The following TMCO5A variants were observed in gnomAD, a reference collection of about 807,000 sequenced individuals.
The protein encoded by TMCO5A is transmembrane and coiled-coil domain-containing protein 5A.
In TMCO5A, 34 loss-of-function variants were observed where a neutral mutation model predicts 42.3. That is an observed-to-expected ratio of 0.80 (90% CI 0.61 to 1.07). The LOEUF is 1.07. TMCO5A is among the 50% of genes least tolerant of loss of function. The pLI, the probability that TMCO5A is intolerant of heterozygous loss-of-function variation, is 0.00. For synonymous variants in TMCO5A, 131 were observed against 115.6 expected (o/e 1.13, Z -0.86); for missense variants, 357 against 327.9 (o/e 1.09, Z -0.69).
the TMCO5A span, among the ~76,000 whole-genome samples, chr15:38,013,652 G>A: frequency 6.6e-6 from 1 of 152,118 alleles, no homozygotes; most frequent in Non-Finnish European, 1.5e-5. Context: ...GGAACATTTT[G>A]AGTTTGATAG....
chr15:38,016,078 G>A, the TMCO5A span, among the ~76,000 whole-genome samples: 2 of 152,086 alleles, frequency 1.3e-5, no homozygotes, highest in Non-Finnish European at 2.9e-5. Flanking sequence ...ATACTGGGAC[G>A]TCAATGTAGG....
chr15:37,951,375 G>A lies in TMCO5A; in HGVS notation c.*141G>A, dbSNP rs776491209. ...CTGCTTGACTACCTTCTGTCACCAC[G>A]TCATCTTTCCAGGATTAACCTTGAC... On this transcript the variant is annotated 3_prime_UTR_variant, in exon 12 of 12. Coordinates refer to ENST00000319669, the MANE Select transcript of TMCO5A (RefSeq NM_152453.4). 1.4e-4 allele frequency: 103 copies of A among 723,030 alleles called. 1 individual carries two copies. The highest frequency in any genetic ancestry group is 1.9e-4 in the Non-Finnish European group (83 of 440,380). 44.8% of individuals were successfully genotyped at this position (723,030 alleles called of 1,614,324 possible).
intron 4 of TMCO5A, 22 bp downstream of exon 4, chr15:37,936,992 G>A (rs370901356): frequency 2.5e-6 from 4 of 1,611,004 alleles, no homozygotes; most frequent in Middle Eastern, 1.7e-4. Context: ...GTTGGGAAGA[G>A]CCATTTAATA....
chr15:37,941,657 T>G lies in TMCO5A; in HGVS notation c.445-14T>G, dbSNP rs1314468801. 8 of 1,593,084 alleles carry G rather than the reference T, an allele frequency of 5.0e-6. No homozygotes were observed. Among genetic ancestry groups the G allele is most frequent in the Non-Finnish European group, 6.9e-6 (8 of 1,161,586 alleles). On this transcript the variant is annotated splice_polypyrimidine_tract_variant and intron_variant, in intron 7 of 11. Transcript: ENST00000319669. ...TTACCGAAATATATTTACAACTAAA[T>G]TTTGATTTCCTAGGTAATGAAGGAG...
At chr15:37,988,860 T>C in the TMCO5A span, among the ~76,000 whole-genome samples, 1 of 152,068 alleles carries the variant, frequency 6.6e-6, no homozygotes, top group African/African-American at 2.4e-5. Flanking sequence ...GCTGGCCTCA[T>C]AGAATTAGTT....
At chr15:38,029,859 T>C in the TMCO5A span, among the ~76,000 whole-genome samples, 1 of 152,216 alleles carries the variant, frequency 6.6e-6, no homozygotes, top group South Asian at 2.1e-4. Flanking sequence ...AACAGGAGGC[T>C]TTCATACCAT....
the TMCO5A span, among the ~76,000 whole-genome samples, chr15:38,016,736 A>C: frequency 2.0e-5 from 3 of 152,158 alleles, no homozygotes; most frequent in African/African-American, 7.2e-5. Flanking sequence ...ATTTTTGGAA[A>C]TATCACCCTA....
chr15:37,947,921 A>C (rs1427421820), intron 11 of TMCO5A, among the ~76,000 whole-genome samples: 1 of 152,156 alleles, frequency 6.6e-6, no homozygotes, highest in East Asian at 1.9e-4. Flanking sequence ...CCATTATTAA[A>C]AATCAACAGC....
At chr15:37,949,697 G>A (rs1432006051) in intron 11 of TMCO5A, among the ~76,000 whole-genome samples, 1 of 149,914 alleles carries the variant, frequency 6.7e-6, no homozygotes. Flanking sequence ...ATGTGTTAAA[G>A]ATGTAAATGC....
chr15:37,947,778 A>G (rs558666929), intron 11 of TMCO5A, 82 bp downstream of exon 11: 1 of 921,068 alleles, frequency 1.1e-6, no homozygotes, highest in African/African-American at 1.7e-5. Flanking sequence ...AAGTCTAGAC[A>G]AGGAGAGCCT....
At chr15:37,988,730 G>A in the TMCO5A span, among the ~76,000 whole-genome samples, 17 of 152,044 alleles carry the variant, frequency 1.1e-4, no homozygotes, top group South Asian at 4.2e-4. Flanking sequence ...TCTTTAATAT[G>A]CTGTTAAATT....
intron 7 of TMCO5A, among the ~76,000 whole-genome samples, 160 bp downstream of exon 7, chr15:37,941,365 C>G (rs1889733036): frequency 6.6e-6 from 1 of 152,060 alleles, no homozygotes; most frequent in Admixed American, 6.6e-5. Context: ...AGCACAATCC[C>G]TGAGGTTGCT....
the TMCO5A span, among the ~76,000 whole-genome samples, chr15:37,982,783 T>C: frequency 1.4e-5 from 2 of 146,344 alleles, no homozygotes; most frequent in Non-Finnish European, 3.0e-5. Flanking sequence ...TTATATTATA[T>C]AACAGACATA....
the TMCO5A span, among the ~76,000 whole-genome samples, chr15:38,011,992 C>T: frequency 6.6e-6 from 1 of 152,002 alleles, no homozygotes; most frequent in Admixed American, 6.6e-5. Flanking sequence ...GGCGCAGTGC[C>T]GGGTGCCTGT....
intron 9 of TMCO5A, 106 bp from the exon 10 acceptor site, chr15:37,943,235 G>T: frequency 1.0e-6 from 1 of 991,336 alleles, no homozygotes. Context: ...TTACAATATT[G>T]GACAGTACAG....
At chr15:37,995,083 C>T in the TMCO5A span, among the ~76,000 whole-genome samples, 2 of 152,118 alleles carry the variant, frequency 1.3e-5, no homozygotes, top group African/African-American at 4.8e-5. Flanking sequence ...AGCAAAAGCT[C>T]TCCCTACCTC....
chr15:37,975,040 CAG>C, the TMCO5A span, among the ~76,000 whole-genome samples: 2 of 152,062 alleles, frequency 1.3e-5, no homozygotes. Context: ...TTCCATGTAA[CAG>C]TGTGCTTTTG....
At chr15:38,016,082 A>G in the TMCO5A span, among the ~76,000 whole-genome samples, 3 of 152,164 alleles carry the variant, frequency 2.0e-5, no homozygotes, top group South Asian at 2.1e-4. Context: ...TGGGACGTCA[A>G]TGTAGGTTCA....
At chr15:37,987,403 TTTG>T in the TMCO5A span, among the ~76,000 whole-genome samples, 15 of 152,004 alleles carry the variant, frequency 9.9e-5, no homozygotes, top group African/African-American at 4.8e-5. Context: ...TGAAGATCAA[TTTG>T]TTGTTGTTTT....
Sources: gnomAD v4.1 joint callset for allele counts (sites outside exome capture counted in the v4.1 genomes callset) on GRCh38, gnomAD v4.1.1 for gene constraint, MANE v1.5 for transcripts, NCBI Gene and HGNC (gene_info 2026-07-23, HGNC 2026-07-21) for gene names.